Variants in RETREG2 observed in about 807,000 individuals in gnomAD.
RETREG2 encodes reticulophagy regulator family member 2, also known as reticulophagy regulator 2.
Under a neutral mutation model 51.6 loss-of-function variants are expected in RETREG2, and 21 were observed. The ratio of observed to expected loss-of-function variants is 0.41; its 90% CI spans 0.29 to 0.59. The LOEUF (loss-of-function observed/expected upper bound fraction) is 0.59. RETREG2 is among the 20% of genes least tolerant of loss of function. The pLI, the probability that RETREG2 is intolerant of heterozygous loss-of-function variation, is 0.34. For synonymous variants in RETREG2, 339 were observed against 288.6 expected (o/e 1.17, Z -1.77); for missense variants, 674 against 646.0 (o/e 1.04, Z -0.47).
rs1559222379 is a variant in RETREG2 at position 219,182,307 on chromosome 2, CAGTG to C, written c.1315_1318del (p.Ser439ValfsTer64). On this transcript the variant is annotated frameshift_variant, in exon 9 of 9. Transcript: ENST00000430297. LOFTEE classifies it high-confidence loss of function. ...CCAGTGGAGACACTGAGCCCCGAGA[CAGTG>C]AGTGGTGGCCTCACTGCTCTGCCCG... 6.2e-7 allele frequency: 1 copy of C among 1,614,128 alleles called. No individual in the cohort carries two copies.
chr2:219,178,986 C>T lies in RETREG2; in HGVS notation c.346C>T (p.Leu116=), dbSNP rs533462258. Residue 116 remains leucine, a synonymous_variant, in exon 2 of 9, where the codon CTG becomes TTG. Transcript: ENST00000430297. ...LLSVSLLAYF[L]LDLWQPRFLP... is the part of the protein sequence containing the mutation. ...CAGCGTCTCACTTTTGGCCTATTTT[C>T]TGCTGGATCTCTGGCAGCCTCGCTT... is the stretch of plus-strand genomic sequence containing the variant. 1.3e-5 allele frequency: 21 copies of T among 1,614,108 alleles called. No homozygotes were observed. The East Asian group carries it at 2.0e-4, about 15-fold the overall frequency.
intron 2 of RETREG2, 152 bp downstream of exon 2, chr2:219,179,180 A>C: frequency 1.4e-6 from 1 of 701,752 alleles, no homozygotes; most frequent in Admixed American, 2.1e-5. Flanking sequence ...CCCTAAAATG[A>C]GAATTGCCCC....
rs755254325 is a variant in RETREG2 at position 219,182,285 on chromosome 2, G to A, written c.1288G>A (p.Val430Met). ...AGTGAAATGCTCCCCTGGAGGACCA[G>A]TGGAGACACTGAGCCCCGAGACAGT... ...DGVKCSPGGP[V>M]ETLSPETVSG... Residue 430 changes from valine (V) to methionine (M), a missense_variant, in exon 9 of 9, where the codon GTG (valine) becomes ATG (methionine). By Grantham distance (21) the Val-to-Met change is conservative (BLOSUM62 1). Transcript: ENST00000430297. The A allele has an allele frequency of 1.2e-6, 2 of 1,614,142 alleles. No individual in the cohort carries two copies. The highest frequency in any genetic ancestry group is 2.2e-5 in the South Asian group (2 of 91,074).
Position 219,181,388 on chromosome 2 carries a change from A to C in RETREG2, c.804A>C (p.Ala268=), listed in dbSNP as rs1950276782. Residue 268 remains alanine, a synonymous_variant, in exon 7 of 9, where the codon GCA becomes GCC. Transcript: ENST00000430297. ...HDKRKRQGKN[A]PPGGDEPLAE... is the part of the protein sequence containing the mutation. ...TTCTAGAGCGTCAGGGGAAGAATGC[A>C]CCCCCAGGAGGTGATGAGCCACTGG... 1 of 1,613,864 alleles carries C rather than the reference A, an allele frequency of 6.2e-7. No individual in the cohort carries two copies. Among genetic ancestry groups the C allele is most frequent in the African/African-American group, 1.3e-5 (1 of 74,916 alleles).
intron 8 of RETREG2, 31 bp downstream of exon 8, chr2:219,181,806 C>A (rs748565356): frequency 1.5e-5 from 24 of 1,606,864 alleles, no homozygotes; most frequent in Non-Finnish European, 2.0e-5. Flanking sequence ...CCCTGCTCCC[C>A]GCCACAATCT....
At chr2:219,181,584 A>T in intron 7 of RETREG2, 56 bp from the exon 8 acceptor site, 1 of 1,605,690 alleles carries the variant, frequency 6.2e-7, no homozygotes, top group Non-Finnish European at 8.5e-7. Flanking sequence ...GATGCTCCTG[A>T]TAAATTGGTT....
In RETREG2 at chr2:219,184,823, GGGTTTTTTT is replaced by G. The variant is rs1259756001; in HGVS notation, c.*2195_*2203del. On this transcript the variant is annotated 3_prime_UTR_variant, in exon 9 of 9. Transcript: ENST00000430297. The stretch of plus-strand genomic sequence containing the variant: ...GTTGTTTTGGTTTTTTGTTTTTTGT[GGGTTTTTTT>G]TTTTTTTTTTTTGAGACGGAGTCTT... The G allele has an allele frequency of 1.3e-4, 4 of 30,836 alleles. No individual in the cohort carries two copies. Among genetic ancestry groups the G allele is most frequent in the South Asian group, 1.4e-3 (1 of 694 alleles). 1.9% of individuals were successfully genotyped at this position (30,836 alleles called of 1,614,324 possible).
rs553592048 is a variant in RETREG2, at chr2:219,178,294, C to T, written c.-59C>T. The T allele has an allele frequency of 8.9e-4, 329 of 370,158 alleles. 2 individuals carry two copies. Among genetic ancestry groups the T allele is most frequent in the Middle Eastern group, 2.1e-3 (3 of 1,428 alleles). The allele number at this position is 370,158 out of a possible 1,614,324, so 22.9% of individuals were successfully genotyped here. ...CGCCCCCTTCCGCCTGACGCGCCCC[C>T]GGCGGCGGCCGCGCAGCCCTGGCTC... On this transcript the variant is annotated 5_prime_UTR_variant, in exon 1 of 9. Transcript: ENST00000430297.
chr2:219,181,980 A>C, intron 8 of RETREG2, 33 bp from the exon 9 acceptor site: 1 of 1,604,768 alleles, frequency 6.2e-7, no homozygotes, highest in East Asian at 2.2e-5. Flanking sequence ...GACCAGCAGC[A>C]GGCCCATTCT....
rs1374566844 is a variant in RETREG2, at chr2:219,180,696, T to TGCTGTGTTG, written c.593_601dup (p.Ala198_Leu200dup). The TGCTGTGTTG allele has an allele frequency of 1.2e-6, 2 of 1,613,932 alleles. No homozygotes were observed. The highest frequency in any genetic ancestry group is 1.3e-5 in the African/African-American group (1 of 75,052). ...TCTGCGTTCGAGTCTGCTCTGGCTG[T>TGCTGTGTTG]GCTGTGTTGGCTGTGTTGGGACACT... On this transcript the variant is annotated inframe_insertion, in exon 5 of 9. Transcript: ENST00000430297.
In RETREG2 at chr2:219,182,130, T is replaced by C; in HGVS notation, c.1133T>C (p.Leu378Pro). 2 of 1,614,132 alleles carry C rather than the reference T, an allele frequency of 1.2e-6. No homozygotes were observed. The highest frequency in any genetic ancestry group is 2.2e-5 in the South Asian group (2 of 91,080). ...PEDLLGRPQA[L>P]SRQALDSEEE... ...GACCTACTAGGCCGTCCTCAAGCTC[T>C]GTCAAGGCAAGCCCTGGACTCGGAG... The change falls in exon 9 of 9, where the codon CTG becomes CCG. Residue 378 changes from leucine (L) to proline (P), a missense_variant. Coordinates refer to ENST00000430297, the MANE Select transcript of RETREG2 (RefSeq NM_024293.6).
In RETREG2 at chr2:219,178,507, T is replaced by C; in HGVS notation, c.155T>C (p.Leu52Pro). ...GCCACGGCCGAGGCGGTGGGACGCCTGGCCACGACGCTGTGGCTGCGGCTC... is the reference window on the plus strand; with the variant it reads ...GCCACGGCCGAGGCGGTGGGACGCCCGGCCACGACGCTGTGGCTGCGGCTC... Reference protein sequence around the residue: ...EAATAEAVGRLATTLWLRLRG... With the variant: ...EAATAEAVGRPATTLWLRLRG... The change falls in exon 1 of 9, where the codon CTG becomes CCG. Residue 52 changes from leucine to proline, a missense_variant. Transcript: ENST00000430297. The C allele has an allele frequency of 7.3e-7, 1 of 1,374,166 alleles. No homozygotes were observed. Among genetic ancestry groups the C allele is most frequent in the Non-Finnish European group, 9.5e-7 (1 of 1,053,740 alleles). 85.1% of individuals were successfully genotyped at this position (1,374,166 alleles called of 1,614,324 possible).
At position 219,182,616 on chromosome 2, in the gene RETREG2, T is replaced by C. The variant is rs1403513474; in HGVS notation, c.1619T>C (p.Val540Ala). The part of the protein sequence containing the change: ...LVQSDQEAQA[V>A]AEP Reference sequence around the variant, plus strand: ...CAGTCAGACCAAGAAGCTCAGGCCGTGGCAGAGCCATGAGCCAGCCGTTGA... The same window carrying C: ...CAGTCAGACCAAGAAGCTCAGGCCGCGGCAGAGCCATGAGCCAGCCGTTGA... Residue 540 changes from valine to alanine, a missense_variant, in exon 9 of 9, where the codon GTG becomes GCG. Transcript: ENST00000430297. 1 of 1,613,834 alleles carries C rather than the reference T, an allele frequency of 6.2e-7. No homozygotes were observed. The highest frequency in any genetic ancestry group is 8.5e-7 in the Non-Finnish European group (1 of 1,179,770).
In RETREG2 at chr2:219,178,433, T is replaced by G. The variant is rs1218077263; in HGVS notation, c.81T>G (p.Gly27=). 2.9e-6 allele frequency: 2 copies of G among 679,114 alleles called. No individual in the cohort carries two copies. Among genetic ancestry groups the G allele is most frequent in the Non-Finnish European group, 4.7e-6 (2 of 423,830 alleles). 42.1% of individuals were successfully genotyped at this position (679,114 alleles called of 1,614,324 possible). The change falls in exon 1 of 9, where the codon GGT becomes GGG. Residue 27 remains glycine, a synonymous_variant. Coordinates refer to ENST00000430297, the MANE Select transcript of RETREG2 (RefSeq NM_024293.6). ...GMGLSLGLGL[G]LSLGMSEATS... ...GCCTGAGCCTGGGCCTGGGTCTGGG[T>G]CTGAGCCTAGGCATGAGTGAGGCCA... is the stretch of plus-strand genomic sequence containing the variant.
intron 1 of RETREG2, 85 bp from the exon 2 acceptor site, chr2:219,178,837 A>G: frequency 8.8e-7 from 1 of 1,134,780 alleles, no homozygotes. Flanking sequence ...CCATTACCCC[A>G]TCAGTAGGCG....
Position 219,185,012 on chromosome 2 carries a change from A to C in RETREG2, c.*2383A>C, listed in dbSNP as rs1423066949. The C allele has an allele frequency of 6.6e-6, 1 of 151,210 alleles. No individual in the cohort carries two copies. Among genetic ancestry groups the C allele is most frequent in the Non-Finnish European group, 1.5e-5 (1 of 67,830 alleles). The allele number at this position is 151,210 out of a possible 1,614,324, so 9.4% of individuals were successfully genotyped here. On this transcript the variant is annotated 3_prime_UTR_variant, in exon 9 of 9. Coordinates refer to ENST00000430297, the MANE Select transcript of RETREG2 (RefSeq NM_024293.6). ...TGGCTATTTTTTGTATTTTTAGTAG[A>C]GGTGGGGTTTCACCATGTTGGCCAG...
At position 219,181,136 on chromosome 2, in the gene RETREG2, C is replaced by T. The variant is rs1295470458; in HGVS notation, c.715C>T (p.Leu239=). Residue 239 remains leucine, a synonymous_variant, in exon 6 of 9, where the codon CTG becomes TTG. Coordinates refer to ENST00000430297, the MANE Select transcript of RETREG2 (RefSeq NM_024293.6). ...GAGGATGTACACTCGCCTGGAGCCC[C>T]TGCTCATGCAGCTGGACTACAGCAT... ...IQRMYTRLEP[L]LMQLDYSMKA... is the part of the protein sequence containing the mutation. 14 of 1,614,052 alleles carry T rather than the reference C, an allele frequency of 8.7e-6. No homozygotes were observed. In the Admixed American group the frequency reaches 2.0e-4, roughly 23 times the overall value.
chr2:219,182,151 CGGAGGA>C lies in RETREG2; in HGVS notation c.1155_1160del (p.Glu389_Glu390del), dbSNP rs1367676523. The C allele has an allele frequency of 3.1e-6, 5 of 1,613,310 alleles. No individual in the cohort carries two copies. Among genetic ancestry groups the C allele is most frequent in the Non-Finnish European group, 4.2e-6 (5 of 1,180,008 alleles). ...GCTCTGTCAAGGCAAGCCCTGGACT[CGGAGGA>C]AGAGGAAGAGGATGTGGCAGCTAAG... On this transcript the variant is annotated inframe_deletion, in exon 9 of 9. Transcript: ENST00000430297.
In RETREG2 at chr2:219,182,651, T is replaced by C; in HGVS notation, c.*22T>C. The C allele has an allele frequency of 6.2e-7, 1 of 1,610,912 alleles. No individual in the cohort carries two copies. Among genetic ancestry groups the C allele is most frequent in the South Asian group, 1.1e-5 (1 of 90,978 alleles). Reference sequence around the variant, plus strand: ...ATGAGCCAGCCGTTGAGGAAGGAGCTGCAGGCACAGTAGGGCTTCCTGGCT... The same window carrying C: ...ATGAGCCAGCCGTTGAGGAAGGAGCCGCAGGCACAGTAGGGCTTCCTGGCT... On this transcript the variant is annotated 3_prime_UTR_variant, in exon 9 of 9. Transcript: ENST00000430297.
Sources: allele counts gnomAD v4.1 joint callset, GRCh38; gene constraint gnomAD v4.1.1; transcripts MANE v1.5; gene names NCBI Gene and HGNC (gene_info 2026-07-23, HGNC 2026-07-21).